BRI3BP: variants seen among roughly 807,000 people sequenced by gnomAD.
The protein encoded by BRI3BP is BRI3-binding protein.
BRI3BP carries 7 observed loss-of-function variants against 15.8 expected under a neutral mutation model. That is an observed-to-expected ratio of 0.44 (90% CI 0.25 to 0.83). The LOEUF (loss-of-function observed/expected upper bound fraction) is 0.83. Among genes scored for constraint, BRI3BP ranks in the 40% least tolerant of loss-of-function variants. BRI3BP has a pLI of 0.20. For synonymous variants in BRI3BP, 192 were observed against 163.5 expected, an observed-to-expected ratio of 1.17 and a Z score of -1.33; for missense variants, 320 against 339.3, an observed-to-expected ratio of 0.94 and a Z score of 0.45.
chr12:124,993,691 G>C lies in BRI3BP; in HGVS notation c.-100G>C. 1 of 648,016 alleles carries C rather than the reference G, an allele frequency of 1.5e-6. No homozygotes were observed. The highest frequency in any genetic ancestry group is 1.9e-6 in the Non-Finnish European group (1 of 523,758). The allele number at this position is 648,016 out of a possible 1,614,324, so 40.1% of individuals were successfully genotyped here. On this transcript the variant is annotated 5_prime_UTR_variant, in exon 1 of 3. Transcript: ENST00000341446. The stretch of plus-strand genomic sequence containing the variant: ...GCGGCTGTGGGTAAAGGCGCGGCGC[G>C]CGGCCCCCGAGCGCGCCAACCTTGC...
the BRI3BP span, among the ~76,000 whole-genome samples, chr12:125,040,544 T>C: frequency 1.3e-5 from 2 of 150,098 alleles, no homozygotes; most frequent in Non-Finnish European, 3.0e-5. Context: ...GGTTTCTCCA[T>C]GTTGGTCAGA....
At chr12:125,036,122 T>G (rs1435885838), downstream of BRI3BP, among the ~76,000 whole-genome samples, 1 of 152,174 alleles carries the variant, frequency 6.6e-6, no homozygotes. Context: ...TGCAGTGCAA[T>G]GGCGCGATCT....
At chr12:125,012,029 AAAT>A (rs1955201002) in intron 1 of BRI3BP, among the ~76,000 whole-genome samples, 1 of 152,138 alleles carries the variant, frequency 6.6e-6, no homozygotes, top group African/African-American at 2.4e-5. Flanking sequence ...CATCTCTACA[AAAT>A]AATAATAAAG....
intron 1 of BRI3BP, among the ~76,000 whole-genome samples, chr12:125,010,483 A>C (rs1955187578): frequency 6.6e-6 from 1 of 152,122 alleles, no homozygotes; most frequent in African/African-American, 2.4e-5. Context: ...TATCCAGTTT[A>C]AAATGCTGTA....
intron 2 of BRI3BP, among the ~76,000 whole-genome samples, chr12:125,015,482 A>G (rs1356980034): frequency 6.6e-6 from 1 of 152,120 alleles, no homozygotes; most frequent in Non-Finnish European, 1.5e-5. Flanking sequence ...TCAGACTTCC[A>G]GCCTCCAGAA....
chr12:125,018,279 TTG>T (rs200711771), intron 2 of BRI3BP, among the ~76,000 whole-genome samples: 3 of 151,796 alleles, frequency 2.0e-5, no homozygotes, highest in South Asian at 2.1e-4. Context: ...AGGAGTTGAA[TTG>T]TGTGTCCCCG....
chr12:125,024,891 C>T (rs761328947), intron 2 of BRI3BP, 100 bp from the exon 3 acceptor site: 154 of 1,105,566 alleles, frequency 1.4e-4, no homozygotes, highest in Non-Finnish European at 1.9e-4. Context: ...TTGCAAAGGC[C>T]TTTTAAGCCC....
intron 2 of BRI3BP, among the ~76,000 whole-genome samples, chr12:125,014,488 A>G (rs1296251978): frequency 6.6e-6 from 1 of 152,172 alleles, no homozygotes; most frequent in African/African-American, 2.4e-5. Flanking sequence ...AAGGTGCGCG[A>G]ATTCCCGGGC....
rs1210144941 is a variant in BRI3BP at position 125,025,298 on chromosome 12, T to C, written c.624T>C (p.Ser208=). The change falls in exon 3 of 3, where the codon AGT becomes AGC. Residue 208 remains serine (S), a synonymous_variant. Coordinates refer to ENST00000341446, the MANE Select transcript of BRI3BP (RefSeq NM_080626.6). ...CCATGGGCTTCTACTGGCGAAGCAG[T>C]CCCAGCGGCCCCAGCAACCCCAGCA... ...TGPMGFYWRS[S]PSGPSNPSNP... 6.2e-7 allele frequency: 1 copy of C among 1,611,530 alleles called. No homozygotes were observed. Among genetic ancestry groups the C allele is most frequent in the South Asian group, 1.1e-5 (1 of 90,996 alleles).
At chr12:125,002,328 T>G (rs1348924146) in intron 1 of BRI3BP, among the ~76,000 whole-genome samples, 1 of 151,598 alleles carries the variant, frequency 6.6e-6, no homozygotes, top group African/African-American at 2.4e-5. Context: ...CCTACCAGCA[T>G]GTGGGGCCTG....
At chr12:125,013,279 CAG>C (rs1955212477) in intron 2 of BRI3BP, among the ~76,000 whole-genome samples, 1 of 152,164 alleles carries the variant, frequency 6.6e-6, no homozygotes. Flanking sequence ...TTTCATGAGA[CAG>C]AGACACTCAC....
intron 1 of BRI3BP, among the ~76,000 whole-genome samples, chr12:125,003,704 G>C (rs1955115912): frequency 6.6e-6 from 1 of 152,130 alleles, no homozygotes; most frequent in Non-Finnish European, 1.5e-5. Flanking sequence ...TGTAATCCCA[G>C]CACTTTGGGA....
chr12:124,995,323 A>G (rs1221295652), intron 1 of BRI3BP, among the ~76,000 whole-genome samples: 1 of 152,182 alleles, frequency 6.6e-6, no homozygotes, highest in Non-Finnish European at 1.5e-5. Context: ...GGAAAGGATC[A>G]GGGGTGTGAG....
chr12:125,005,054 G>A lies in BRI3BP; in HGVS notation c.214-7480G>A, dbSNP rs141336339. ...AGAGTCAAGAGGTTTCACCATGTTG[G>A]CCAGGCTGGTCTTGAACTCCTGAAC... On this transcript the variant is annotated intron_variant, in intron 1 of 2. Coordinates refer to ENST00000341446, the MANE Select transcript of BRI3BP (RefSeq NM_080626.6). Among the ~76,000 whole-genome samples, 192 of 152,140 alleles carry A rather than the reference G, an allele frequency of 1.3e-3. 1 individual carries two copies. Among genetic ancestry groups the A allele is most frequent in the African/African-American group, 4.3e-3 (180 of 41,504 alleles).
intron 2 of BRI3BP, among the ~76,000 whole-genome samples, chr12:125,014,154 T>C (rs1955220017): frequency 6.6e-6 from 1 of 152,192 alleles, no homozygotes; most frequent in South Asian, 2.1e-4. Flanking sequence ...CCGTGCCCCA[T>C]GGTGTGCCAG....
chr12:125,040,438 G>C, the BRI3BP span, among the ~76,000 whole-genome samples: 1 of 150,470 alleles, frequency 6.6e-6, no homozygotes, highest in African/African-American at 2.4e-5. Flanking sequence ...TCCAACTCCT[G>C]GGTTCAAGCG....
chr12:125,021,207 C>G (rs1955295663), intron 2 of BRI3BP, among the ~76,000 whole-genome samples: 2 of 152,194 alleles, frequency 1.3e-5, no homozygotes, highest in Admixed American at 1.3e-4. Context: ...GACCCCAAGC[C>G]TTTAGTCCCA....
chr12:125,020,747 G>T lies in BRI3BP; in HGVS notation c.317-4244G>T, dbSNP rs775690988. On this transcript the variant is annotated intron_variant, in intron 2 of 2. Coordinates refer to ENST00000341446, the MANE Select transcript of BRI3BP (RefSeq NM_080626.6). ...AAAAAATCAAAACATTAGCTTGGTG[G>T]TGCATGCTTGTAGTCTCAGCTACTT... 3.7e-4 allele frequency among the ~76,000 whole-genome samples: 56 copies of T among 152,080 alleles called. 1 individual carries two copies. Among genetic ancestry groups the T allele is most frequent in the Non-Finnish European group, 1.3e-4 (9 of 68,028 alleles).
chr12:125,049,694 C>T, the BRI3BP span, among the ~76,000 whole-genome samples: 1 of 152,198 alleles, frequency 6.6e-6, no homozygotes, highest in Non-Finnish European at 1.5e-5. Context: ...CTGGGAGGTG[C>T]GGCCTATGAA....
Sources: gnomAD v4.1 joint callset for allele counts (sites outside exome capture counted in the v4.1 genomes callset) on GRCh38, gnomAD v4.1.1 for gene constraint, MANE v1.5 for transcripts, NCBI Gene and HGNC (gene_info 2026-07-23, HGNC 2026-07-21) for gene names.